The following CPLANE1 variants were observed in gnomAD, a reference collection of about 807,000 sequenced individuals.
CPLANE1 encodes the protein ciliogenesis and planar polarity effector 1.
CPLANE1 carries 263 observed loss-of-function variants against 362.5 expected under a neutral mutation model. The observed-to-expected ratio is 0.73, with a 90% CI of 0.66 to 0.80. The LOEUF (loss-of-function observed/expected upper bound fraction) is 0.80, where lower values mean the gene tolerates loss of function less well. Ranked by LOEUF, CPLANE1 falls within the 30% of genes least tolerant of loss-of-function variation. CPLANE1 has a pLI of 0.00. For synonymous variants in CPLANE1, 1,212 were observed against 1,302.6 expected (o/e 0.93, Z 1.50); for missense variants, 3,461 against 3,793.4 (o/e 0.91, Z 2.30).
intron 21 of CPLANE1, among the ~76,000 whole-genome samples, chr5:37,188,098 A>T (rs1784530172): frequency 1.3e-5 from 2 of 152,180 alleles, no homozygotes; most frequent in Non-Finnish European, 1.5e-5. Flanking sequence ...ATAGTAAATA[A>T]TTTTTTATTA....
chr5:37,188,884 G>GT (rs1408487573), intron 21 of CPLANE1, among the ~76,000 whole-genome samples: 2 of 152,098 alleles, frequency 1.3e-5, no homozygotes, highest in African/African-American at 4.8e-5. Context: ...TTGAGACGGA[G>GT]TCTTGCTCTA....
At chr5:37,224,102 G>C (rs890602394) in intron 14 of CPLANE1, 151 bp downstream of exon 14, 6 of 546,184 alleles carry the variant, frequency 1.1e-5, no homozygotes, top group Middle Eastern at 6.7e-4. Context: ...CTGAAATTTA[G>C]AATTATTTTT....
the CPLANE1 span, among the ~76,000 whole-genome samples, chr5:37,096,181 T>C: frequency 6.6e-6 from 1 of 152,268 alleles, no homozygotes; most frequent in Admixed American, 6.5e-5. Flanking sequence ...CAAACTATAC[T>C]ATAAGGCCAT....
intron 43 of CPLANE1, among the ~76,000 whole-genome samples, 197 bp downstream of exon 43, chr5:37,147,971 CAAAAAAAAAAAAA>C (rs11284644): frequency 2.0e-4 from 3 of 15,312 alleles, no homozygotes; most frequent in Non-Finnish European, 3.7e-4. Flanking sequence ...ACTGCCTTCT[CAAAAAAAAAAAAA>C]AAAAAAAAAA....
At chr5:37,138,631 T>C in intron 46 of CPLANE1, 89 bp downstream of exon 46, 1 of 1,415,760 alleles carries the variant, frequency 7.1e-7, no homozygotes, top group Non-Finnish European at 9.8e-7. Context: ...ATTTGTTTCA[T>C]AAAAATCACA....
At chr5:37,200,183 G>A (rs766602115) in intron 19 of CPLANE1, among the ~76,000 whole-genome samples, 38 of 152,152 alleles carry the variant, frequency 2.5e-4, no homozygotes, top group Non-Finnish European at 4.9e-4. Context: ...AATAAATGCC[G>A]TTATTGTTTA....
intron 35 of CPLANE1, 71 bp downstream of exon 35, chr5:37,166,976 T>C: frequency 8.0e-7 from 1 of 1,244,466 alleles, no homozygotes; most frequent in Non-Finnish European, 1.2e-6. Flanking sequence ...ACCAGATTAC[T>C]GTGTGATTAT....
rs2149850041 is a variant in CPLANE1, at chr5:37,107,926, AG to A, written c.9580-149del. ...GGCTGAAGGAAATGTGCCAGGAAATAGGGCTGTGATTGCCCAGCACATCCAG... is the reference window on the plus strand; with the variant it reads ...GGCTGAAGGAAATGTGCCAGGAAATAGGCTGTGATTGCCCAGCACATCCAG... On this transcript the variant is annotated intron_variant, in intron 52 of 52. Coordinates refer to ENST00000651892, the MANE Select transcript of CPLANE1 (RefSeq NM_001384732.1). The A allele has an allele frequency of 3.0e-6, 4 of 1,313,708 alleles. No homozygotes were observed. In the East Asian group the frequency reaches 1.0e-4, roughly 33 times the overall value. 81.4% of individuals were successfully genotyped at this position (1,313,708 alleles called of 1,614,324 possible).
At chr5:37,099,324 C>T in the CPLANE1 span, among the ~76,000 whole-genome samples, 1 of 152,126 alleles carries the variant, frequency 6.6e-6, no homozygotes, top group Admixed American at 6.6e-5. Context: ...GTTGTTCCCC[C>T]ACACCCCGCC....
intron 37 of CPLANE1, 125 bp from the exon 38 acceptor site, chr5:37,162,691 T>A (rs1777145278): frequency 4.9e-6 from 3 of 607,496 alleles, no homozygotes; most frequent in Non-Finnish European, 8.3e-6. Flanking sequence ...TAAATTTTTT[T>A]TTTTTTGAGA....
the CPLANE1 span, among the ~76,000 whole-genome samples, chr5:37,081,081 A>C: frequency 1.3e-5 from 2 of 152,144 alleles, no homozygotes; most frequent in Non-Finnish European, 2.9e-5. Context: ...GCTACTCATG[A>C]GGATCACTCG....
In CPLANE1 at chr5:37,107,044, G is replaced by C. The variant is rs774165954; in HGVS notation, c.*558C>G. On this transcript the variant is annotated 3_prime_UTR_variant, in exon 53 of 53. Transcript: ENST00000651892. ...GCTTCAGGCTACAGGGCAGAAGACA[G>C]AAGATCTCCTGGCCTCCATGAAACT... 3 of 985,390 alleles carry C rather than the reference G, an allele frequency of 3.0e-6. No individual in the cohort carries two copies. The highest frequency in any genetic ancestry group is 3.6e-6 in the Non-Finnish European group (3 of 829,898). The allele number at this position is 985,390 out of a possible 1,614,324, so 61.0% of individuals were successfully genotyped here. A position where few individuals can be genotyped will look rare whatever the true frequency, so the allele number is the denominator to read the frequency against.
At chr5:37,084,254 C>G in the CPLANE1 span, among the ~76,000 whole-genome samples, 1 of 152,268 alleles carries the variant, frequency 6.6e-6, no homozygotes, top group African/African-American at 2.4e-5. Context: ...ACCAAGCCAC[C>G]ATTACAAGAA....
the CPLANE1 span, among the ~76,000 whole-genome samples, chr5:37,083,065 C>T: frequency 4.6e-5 from 7 of 152,192 alleles, no homozygotes; most frequent in Admixed American, 4.6e-4. Context: ...GTGCTGGTAT[C>T]CCTGGCTGAG....
At chr5:37,100,653 T>C in the CPLANE1 span, among the ~76,000 whole-genome samples, 28 of 152,216 alleles carry the variant, frequency 1.8e-4, no homozygotes, top group Non-Finnish European at 2.9e-4. Flanking sequence ...CTGTGAAGAA[T>C]GTCAATGGTA....
intron 43 of CPLANE1, among the ~76,000 whole-genome samples, chr5:37,145,746 A>C (rs1006903088): frequency 1.3e-5 from 2 of 152,202 alleles, no homozygotes; most frequent in Non-Finnish European, 2.9e-5. Flanking sequence ...AGAGGGACAA[A>C]AGTAAAGGAA....
intron 17 of CPLANE1, 46 bp downstream of exon 17, chr5:37,206,151 C>T (rs1790661565): frequency 8.4e-7 from 1 of 1,190,498 alleles, no homozygotes; most frequent in Non-Finnish European, 1.2e-6. Context: ...ATATAAAATA[C>T]ATAGTTCAAT....
In CPLANE1 at chr5:37,148,169, GC is replaced by G; in HGVS notation, c.8461+11del. The stretch of plus-strand genomic sequence containing the variant: ...GCAAGACTTCAGCCAGCCCCTATCA[GC>G]CCCTACAAACCTTCTTCAGAAATGC... On this transcript the variant is annotated intron_variant, in intron 43 of 52. Transcript: ENST00000651892. 4 of 1,602,902 alleles carry G rather than the reference GC, an allele frequency of 2.5e-6. No individual in the cohort carries two copies. The highest frequency in any genetic ancestry group is 3.4e-6 in the Non-Finnish European group (4 of 1,171,470).
chr5:37,194,080 C>T (rs1487090007), intron 21 of CPLANE1, among the ~76,000 whole-genome samples: 1 of 152,054 alleles, frequency 6.6e-6, no homozygotes, highest in Non-Finnish European at 1.5e-5. Context: ...CACCACTATG[C>T]CTGGCTAATT....
Sources: gnomAD v4.1 joint callset for allele counts (sites outside exome capture counted in the v4.1 genomes callset) on GRCh38, gnomAD v4.1.1 for gene constraint, MANE v1.5 for transcripts, NCBI Gene and HGNC (gene_info 2026-07-23, HGNC 2026-07-21) for gene names.